PHACTR1: variants seen among roughly 807,000 people sequenced by gnomAD.
PHACTR1 encodes the protein phosphatase and actin regulator 1.
PHACTR1 carries 16 observed loss-of-function variants against 69.2 expected under a neutral mutation model. That is an observed-to-expected ratio of 0.23 (90% CI 0.16 to 0.35). The LOEUF (loss-of-function observed/expected upper bound fraction) is 0.35, where lower values mean the gene tolerates loss of function less well. Among genes scored for constraint, PHACTR1 ranks in the 10% least tolerant of loss-of-function variants. The pLI is 1.00. For missense variants in PHACTR1, 510 were observed against 734.7 expected (o/e 0.69, Z 3.54); for synonymous variants, 312 against 284.5 (o/e 1.10, Z -0.97).
intron 4 of PHACTR1, among the ~76,000 whole-genome samples, chr6:12,938,197 C>A (rs1246082693): frequency 1.3e-5 from 2 of 152,152 alleles, no homozygotes; most frequent in African/African-American, 4.8e-5. Context: ...CTTATTTCAT[C>A]CTCAAGGCAA....
At chr6:13,145,927 G>A (rs1222525477) in intron 5 of PHACTR1, among the ~76,000 whole-genome samples, 1 of 152,182 alleles carries the variant, frequency 6.6e-6, no homozygotes, top group South Asian at 2.1e-4. Flanking sequence ...GCAAAATATT[G>A]TATCTTTAGT....
intron 3 of PHACTR1, among the ~76,000 whole-genome samples, chr6:12,735,628 G>GTAGC (rs1764138220): frequency 6.6e-6 from 1 of 152,190 alleles, no homozygotes; most frequent in African/African-American, 2.4e-5. Context: ...CAATGTTAGG[G>GTAGC]TAGCTATTGA....
chr6:12,745,571 A>T (rs939812261), intron 3 of PHACTR1, among the ~76,000 whole-genome samples: 5 of 152,208 alleles, frequency 3.3e-5, no homozygotes, highest in Non-Finnish European at 5.9e-5. Flanking sequence ...AGGGGGAAAA[A>T]TAGATTCTAA....
intron 4 of PHACTR1, among the ~76,000 whole-genome samples, chr6:12,847,869 A>C (rs1242250420): frequency 6.6e-6 from 1 of 152,332 alleles, no homozygotes; most frequent in Non-Finnish European, 1.5e-5. Context: ...AAAACTCCTC[A>C]AAATTTGCCC....
At chr6:12,756,351 C>T (rs1581609711) in intron 4 of PHACTR1, among the ~76,000 whole-genome samples, 2 of 152,280 alleles carry the variant, frequency 1.3e-5, no homozygotes, top group South Asian at 4.1e-4. Flanking sequence ...TATTTTGTTT[C>T]TCACTTTCCT....
chr6:13,111,590 C>T (rs989671181), intron 5 of PHACTR1, among the ~76,000 whole-genome samples: 4 of 152,098 alleles, frequency 2.6e-5, no homozygotes, highest in Admixed American at 1.3e-4. Context: ...GTCACAACCT[C>T]GGTTATTAAT....
At chr6:12,959,777 G>C (rs957230243) in intron 4 of PHACTR1, among the ~76,000 whole-genome samples, 3 of 152,210 alleles carry the variant, frequency 2.0e-5, no homozygotes, top group Non-Finnish European at 4.4e-5. Flanking sequence ...AATAGTTTTG[G>C]TTTTGAGTGC....
At chr6:12,941,353 T>C (rs1261520223) in intron 4 of PHACTR1, among the ~76,000 whole-genome samples, 1 of 152,156 alleles carries the variant, frequency 6.6e-6, no homozygotes, top group African/African-American at 2.4e-5. Flanking sequence ...GTGGCACTCT[T>C]TATGGCCATT....
At chr6:12,889,236 A>C (rs911891868) in intron 4 of PHACTR1, among the ~76,000 whole-genome samples, 2 of 152,190 alleles carry the variant, frequency 1.3e-5, no homozygotes, top group African/African-American at 4.8e-5. Flanking sequence ...ATGCCACTGC[A>C]CTCCAGCTGG....
chr6:13,066,780 G>A (rs1808716537), intron 5 of PHACTR1, among the ~76,000 whole-genome samples: 1 of 152,092 alleles, frequency 6.6e-6, no homozygotes, highest in African/African-American at 2.4e-5. Context: ...GTTGTCTCAG[G>A]GCTTTTCCAT....
At chr6:13,019,971 C>G (rs1407818119) in intron 4 of PHACTR1, among the ~76,000 whole-genome samples, 1 of 152,132 alleles carries the variant, frequency 6.6e-6, no homozygotes, top group African/African-American at 2.4e-5. Flanking sequence ...TGATGATGTT[C>G]AATGTGGTAC....
At chr6:13,216,022 T>G (rs1395015347) in intron 8 of PHACTR1, among the ~76,000 whole-genome samples, 1 of 152,234 alleles carries the variant, frequency 6.6e-6, no homozygotes, top group African/African-American at 2.4e-5. Flanking sequence ...AGTTTATTAT[T>G]TCTTATAATG....
chr6:12,836,952 TG>T (rs1778232946), intron 4 of PHACTR1, among the ~76,000 whole-genome samples: 1 of 152,114 alleles, frequency 6.6e-6, no homozygotes, highest in African/African-American at 2.4e-5. Context: ...AACCAATCAA[TG>T]ACCTCAATTT....
intron 12 of PHACTR1, among the ~76,000 whole-genome samples, chr6:13,282,972 T>C (rs903755226): frequency 1.3e-5 from 2 of 152,196 alleles, no homozygotes; most frequent in African/African-American, 2.4e-5. Context: ...CTAATCTTTA[T>C]ATATTCTATA....
intron 4 of PHACTR1, among the ~76,000 whole-genome samples, chr6:12,997,281 C>A (rs1016151496): frequency 6.8e-6 from 1 of 146,320 alleles, no homozygotes; most frequent in Admixed American, 6.8e-5. Flanking sequence ...TATAGTAAAT[C>A]TCTATATAAG....
At chr6:13,184,392 G>A (rs1762568904) in intron 7 of PHACTR1, among the ~76,000 whole-genome samples, 1 of 152,176 alleles carries the variant, frequency 6.6e-6, no homozygotes, top group East Asian at 1.9e-4. Flanking sequence ...ATTCAGTTCT[G>A]GTTTGGTTTA....
intron 5 of PHACTR1, among the ~76,000 whole-genome samples, chr6:13,065,564 G>GGT (rs1485504956): frequency 7.9e-5 from 12 of 152,010 alleles, no homozygotes; most frequent in African/African-American, 2.9e-4. Context: ...GAGGAGAGGA[G>GGT]GTAGTCATCT....
intron 5 of PHACTR1, among the ~76,000 whole-genome samples, chr6:13,058,144 A>G (rs1807085719): frequency 1.3e-5 from 2 of 152,212 alleles, no homozygotes; most frequent in Admixed American, 1.3e-4. Flanking sequence ...CACCTGCCCC[A>G]GGAATGAAGA....
At position 13,245,339 on chromosome 6, in the gene PHACTR1, T is replaced by C. The variant is rs924901055; in HGVS notation, c.1391+15146T>C. Reference sequence around the variant, plus strand: ...TTCCCCACAACCTTGCCAGCATCTATTATTTTTTGACTTTTTAATAATAGA... The same window carrying C: ...TTCCCCACAACCTTGCCAGCATCTACTATTTTTTGACTTTTTAATAATAGA... On this transcript the variant is annotated intron_variant, in intron 10 of 14. Coordinates refer to ENST00000332995, the MANE Select transcript of PHACTR1 (RefSeq NM_030948.6). The surrounding 1 kb of genome is among the most constrained non-coding windows in gnomAD (Gnocchi z 4.1). Among the ~76,000 whole-genome samples, 11 of 152,224 alleles carry C rather than the reference T, an allele frequency of 7.2e-5. No individual in the cohort carries two copies. Among genetic ancestry groups the C allele is most frequent in the African/African-American group, 2.7e-4 (11 of 41,462 alleles).
Sources: allele counts gnomAD v4.1 joint callset (sites outside exome capture counted in the v4.1 genomes callset), GRCh38; gene constraint gnomAD v4.1.1; non-coding constraint Gnocchi (gnomAD v3.1); transcripts MANE v1.5; gene names NCBI Gene and HGNC (gene_info 2026-07-23, HGNC 2026-07-21).